LRP1B: variants seen among roughly 807,000 people sequenced by gnomAD.
The protein encoded by LRP1B is low-density lipoprotein receptor-related protein 1B.
Under a neutral mutation model 556.6 loss-of-function variants are expected in LRP1B, and 217 were observed. The observed-to-expected ratio is 0.39, with a 90% CI of 0.35 to 0.44. LRP1B has a LOEUF of 0.44. Among genes scored for constraint, LRP1B ranks in the 20% least tolerant of loss-of-function variants. The pLI, the probability that LRP1B is intolerant of heterozygous loss-of-function variation, is 1.00. For synonymous variants in LRP1B, 2,047 were observed against 1,865.8 expected (o/e 1.10, Z -2.50); for missense variants, 5,053 against 5,620.8 (o/e 0.90, Z 3.23).
intron 2 of LRP1B, among the ~76,000 whole-genome samples, chr2:141,602,171 C>G (rs1251110738): frequency 6.6e-6 from 1 of 151,888 alleles, no homozygotes; most frequent in East Asian, 1.9e-4. Context: ...CATAAGGAAC[C>G]CTATTAGGTC....
intron 2 of LRP1B, among the ~76,000 whole-genome samples, chr2:141,623,345 A>AT (rs1426436043): frequency 1.1e-4 from 17 of 152,184 alleles, no homozygotes; most frequent in African/African-American, 4.1e-4. Flanking sequence ...ATAAGCAACT[A>AT]TTTGTGGACA....
chr2:141,704,072 A>C (rs1264583966), intron 2 of LRP1B, among the ~76,000 whole-genome samples: 2 of 151,954 alleles, frequency 1.3e-5, no homozygotes, highest in African/African-American at 4.8e-5. Flanking sequence ...TCAATTAAAG[A>C]TAAGCCAAGT....
chr2:141,015,949 A>G (rs942659923), intron 12 of LRP1B, 34 bp from the exon 13 acceptor site: 5 of 1,497,364 alleles, frequency 3.3e-6, no homozygotes, highest in African/African-American at 2.8e-5. Flanking sequence ...AAATGCATAC[A>G]TGTTATTACA....
chr2:140,511,240 A>C (rs921184288), intron 51 of LRP1B, among the ~76,000 whole-genome samples: 1 of 145,860 alleles, frequency 6.9e-6, no homozygotes, highest in Non-Finnish European at 1.5e-5. Flanking sequence ...TTTTGAAGTA[A>C]TGTTTTCAAT....
chr2:141,568,920 A>AT (rs70994438), intron 2 of LRP1B, among the ~76,000 whole-genome samples: 54,524 of 142,928 alleles, frequency 0.38, 11,942 homozygotes, highest in Non-Finnish European at 0.47. Flanking sequence ...TGCCCAGTTA[A>AT]TTTTTTTTTT....
chr2:140,648,618 G>A (rs951195559), intron 41 of LRP1B, among the ~76,000 whole-genome samples: 2 of 151,990 alleles, frequency 1.3e-5, no homozygotes, highest in Admixed American at 6.6e-5. Flanking sequence ...GGGTGGGGCC[G>A]GGTTCAGGGG....
intron 3 of LRP1B, among the ~76,000 whole-genome samples, chr2:141,401,192 T>G (rs1291999007): frequency 6.6e-6 from 1 of 152,210 alleles, no homozygotes; most frequent in African/African-American, 2.4e-5. Context: ...TCTTCTGAGA[T>G]GCTTTTAGAT....
At chr2:141,835,195 A>G (rs1309750382) in intron 1 of LRP1B, among the ~76,000 whole-genome samples, 1 of 152,008 alleles carries the variant, frequency 6.6e-6, no homozygotes, top group African/African-American at 2.4e-5. Flanking sequence ...AACTTGTGGG[A>G]CACAAAATTA....
At chr2:141,044,623 C>T (rs1216382991) in intron 11 of LRP1B, among the ~76,000 whole-genome samples, 1 of 151,920 alleles carries the variant, frequency 6.6e-6, no homozygotes, top group Non-Finnish European at 1.5e-5. Flanking sequence ...CATGAACAGA[C>T]ACTTCTCAAA....
At chr2:142,122,376 AAAG>A (rs1268687369) in intron 1 of LRP1B, among the ~76,000 whole-genome samples, 1 of 152,174 alleles carries the variant, frequency 6.6e-6, no homozygotes, top group African/African-American at 2.4e-5. Flanking sequence ...AACAACGGAC[AAAG>A]AAGAAGGTTT....
intron 3 of LRP1B, among the ~76,000 whole-genome samples, chr2:141,464,491 C>A (rs1481527039): frequency 2.0e-5 from 3 of 150,226 alleles, no homozygotes; most frequent in African/African-American, 4.9e-5. Context: ...CGGCTCACTG[C>A]AAGCTCTGCC....
intron 3 of LRP1B, among the ~76,000 whole-genome samples, chr2:141,296,968 C>G (rs79241271): frequency 6.6e-6 from 1 of 152,160 alleles, no homozygotes; most frequent in Non-Finnish European, 1.5e-5. Flanking sequence ...TTTGATTTTA[C>G]GTTCCAGCAT....
chr2:141,112,715 T>A (rs765699921), intron 7 of LRP1B, among the ~76,000 whole-genome samples: 1 of 152,174 alleles, frequency 6.6e-6, no homozygotes, highest in Non-Finnish European at 1.5e-5. Flanking sequence ...ACCTTGTACA[T>A]CCCCTAGGAG....
intron 32 of LRP1B, among the ~76,000 whole-genome samples, chr2:140,788,121 A>T (rs1046306277): frequency 2.0e-5 from 3 of 152,216 alleles, no homozygotes; most frequent in Non-Finnish European, 2.9e-5. Flanking sequence ...AATGAGAAAC[A>T]TTCCACCATA....
chr2:140,491,271 G>C (rs566603424), intron 57 of LRP1B, among the ~76,000 whole-genome samples: 1 of 152,142 alleles, frequency 6.6e-6, no homozygotes, highest in Non-Finnish European at 1.5e-5. Context: ...GTTCAGCTGA[G>C]CTTAAAAATA....
intron 2 of LRP1B, among the ~76,000 whole-genome samples, chr2:141,597,705 T>C (rs1425682459): frequency 6.6e-6 from 1 of 152,082 alleles, no homozygotes; most frequent in African/African-American, 2.4e-5. Flanking sequence ...GCTTTTCTTT[T>C]TTTCTCTAAA....
chr2:140,503,395 C>T (rs575916264), intron 53 of LRP1B, among the ~76,000 whole-genome samples: 36 of 152,148 alleles, frequency 2.4e-4, no homozygotes, highest in Non-Finnish European at 4.0e-4. Context: ...TTATCTAGAT[C>T]ATAATATCTC....
intron 7 of LRP1B, among the ~76,000 whole-genome samples, chr2:141,079,350 C>G (rs1699868998): frequency 6.6e-6 from 1 of 152,114 alleles, no homozygotes; most frequent in Non-Finnish European, 1.5e-5. Context: ...AGTACTGGGA[C>G]CACTGAAGTA....
chr2:141,495,006 T>TG (rs1683464613), intron 2 of LRP1B, among the ~76,000 whole-genome samples: 1 of 152,020 alleles, frequency 6.6e-6, no homozygotes, highest in Non-Finnish European at 1.5e-5. Context: ...TTTATATAAT[T>TG]GCAATACCCC....
Sources: gnomAD v4.1 joint callset for allele counts (sites outside exome capture counted in the v4.1 genomes callset) on GRCh38, gnomAD v4.1.1 for gene constraint, MANE v1.5 for transcripts, NCBI Gene and HGNC (gene_info 2026-07-23, HGNC 2026-07-21) for gene names.